Variants in RLIG1 observed in about 807,000 individuals in gnomAD.
RLIG1 encodes RNA 5'-phosphate and 3'-OH ligase 1, also known as RNA ligase 1.
the RLIG1 span, among the ~76,000 whole-genome samples, chr12:88,041,416 C>G: frequency 1.1e-4 from 16 of 152,292 alleles, no homozygotes; most frequent in African/African-American, 3.8e-4. Context: ...CAGGCATGAA[C>G]AGATATCTGA....
chr12:88,039,182 T>C, the RLIG1 span, among the ~76,000 whole-genome samples: 1 of 152,062 alleles, frequency 6.6e-6, no homozygotes, highest in African/African-American at 2.4e-5. Flanking sequence ...GAAAAAAAGG[T>C]TAAAAAAGGC....
chr12:88,037,333 C>T, the RLIG1 span, among the ~76,000 whole-genome samples: 2 of 152,090 alleles, frequency 1.3e-5, no homozygotes, highest in Non-Finnish European at 2.9e-5. Context: ...ATACACGTAC[C>T]TTGTTTTTCC....
the RLIG1 span, chr12:88,045,401 C>A: frequency 1.2e-5 from 7 of 567,242 alleles, no homozygotes; most frequent in Non-Finnish European, 1.6e-5. Context: ...AAAAAATGAA[C>A]CCTTATGATT....
the RLIG1 span, chr12:88,040,205 T>C: frequency 9.9e-6 from 16 of 1,611,062 alleles, no homozygotes; most frequent in African/African-American, 1.7e-4. Context: ...TGCAGATATA[T>C]ACAGTGCAAT....
the RLIG1 span, chr12:88,044,663 C>T: frequency 6.6e-6 from 1 of 152,118 alleles, no homozygotes; most frequent in Non-Finnish European, 1.5e-5. Flanking sequence ...TGGAGGCTCC[C>T]AAGAGGAGTA....
At chr12:88,037,822 T>C in the RLIG1 span, among the ~76,000 whole-genome samples, 5 of 152,320 alleles carry the variant, frequency 3.3e-5, no homozygotes, top group African/African-American at 1.2e-4. Flanking sequence ...CTACTTCAGA[T>C]ACAGACTATA....
the RLIG1 span, chr12:88,044,690 C>G: frequency 6.6e-6 from 1 of 152,182 alleles, no homozygotes; most frequent in Non-Finnish European, 1.5e-5. Flanking sequence ...TGTACTGAAG[C>G]TTAAGGACCA....
chr12:88,040,374 G>A, the RLIG1 span: 174 of 575,880 alleles, frequency 3.0e-4, 5 homozygotes, highest in African/African-American at 2.9e-3. Flanking sequence ...GGAAACCTAA[G>A]TATAGTAGCA....
chr12:88,045,865 A>G, the RLIG1 span: 4 of 1,028,712 alleles, frequency 3.9e-6, no homozygotes, highest in Non-Finnish European at 5.8e-6. Context: ...ACATACACAC[A>G]CTAAAGAAAT....
At chr12:88,047,509 C>A in the RLIG1 span, among the ~76,000 whole-genome samples, 1 of 151,960 alleles carries the variant, frequency 6.6e-6, no homozygotes, top group African/African-American at 2.4e-5. Flanking sequence ...TAATTTTAAC[C>A]CCTCTTTTCA....
the RLIG1 span, chr12:88,044,253 T>TG: frequency 6.5e-6 from 1 of 153,478 alleles, no homozygotes; most frequent in Admixed American, 6.5e-5. Flanking sequence ...GCCTGAGAGT[T>TG]GGACTGTGAC....
At chr12:88,037,601 T>C in the RLIG1 span, among the ~76,000 whole-genome samples, 1 of 152,236 alleles carries the variant, frequency 6.6e-6, no homozygotes, top group East Asian at 1.9e-4. Flanking sequence ...TAAATTGATA[T>C]CCTTTGAAAC....
chr12:88,043,601 T>A, the RLIG1 span: 1 of 1,591,484 alleles, frequency 6.3e-7, no homozygotes, highest in Non-Finnish European at 8.5e-7. Context: ...TTTTTTAGAA[T>A]TTTTTTGGAA....
the RLIG1 span, chr12:88,048,589 C>A: frequency 2.1e-6 from 1 of 468,710 alleles, no homozygotes. Context: ...TTATTAAAAA[C>A]CAGCAAATTA....
the RLIG1 span, among the ~76,000 whole-genome samples, chr12:88,047,358 A>G: frequency 1.3e-5 from 2 of 152,126 alleles, no homozygotes; most frequent in Non-Finnish European, 2.9e-5. Context: ...AGAATGAATT[A>G]TCTTATACTT....
the RLIG1 span, chr12:88,049,662 C>CT: frequency 1.9e-5 from 6 of 320,060 alleles, no homozygotes; most frequent in African/African-American, 1.1e-4. Flanking sequence ...TTTATCATCT[C>CT]TTATAATGGG....
At chr12:88,040,151 T>C in the RLIG1 span, 3 of 1,595,222 alleles carry the variant, frequency 1.9e-6, no homozygotes, top group Non-Finnish European at 2.6e-6. Flanking sequence ...TTTTAAGCCA[T>C]TTAAAGTTTT....
the RLIG1 span, chr12:88,042,810 T>G: frequency 6.8e-7 from 1 of 1,471,186 alleles, no homozygotes; most frequent in South Asian, 1.4e-5. Context: ...TTTCCTTTTG[T>G]TATTACTTTT....
At chr12:88,043,657 A>G in the RLIG1 span, 1 of 1,613,144 alleles carries the variant, frequency 6.2e-7, no homozygotes, top group Non-Finnish European at 8.5e-7. Context: ...GGATACCAGC[A>G]AAGGAGACAG....
Sources: allele counts gnomAD v4.1 joint callset (sites outside exome capture counted in the v4.1 genomes callset), GRCh38; gene constraint gnomAD v4.1.1; transcripts MANE v1.5; gene names NCBI Gene and HGNC (gene_info 2026-07-23, HGNC 2026-07-21).